The following RNF216 variants were observed in gnomAD, a reference collection of about 807,000 sequenced individuals.
RNF216 encodes the protein E3 ubiquitin-protein ligase RNF216.
Under a neutral mutation model 110.8 loss-of-function variants are expected in RNF216, and 72 were observed. The ratio of observed to expected loss-of-function variants is 0.65; its 90% CI spans 0.54 to 0.79. RNF216 has a LOEUF of 0.79. Ranked by LOEUF, RNF216 falls within the 30% of genes least tolerant of loss-of-function variation. The pLI is 0.00. For missense variants in RNF216, 1,342 were observed against 1,141.2 expected, an observed-to-expected ratio of 1.18 and a Z score of -2.54; for synonymous variants, 495 against 407.5, an observed-to-expected ratio of 1.21 and a Z score of -2.59.
intron 13 of RNF216, among the ~76,000 whole-genome samples, chr7:5,698,516 A>G (rs1791771889): frequency 6.6e-6 from 1 of 152,020 alleles, no homozygotes; most frequent in African/African-American, 2.4e-5. Flanking sequence ...CAGCCTCCCG[A>G]GTAGCTGGGA....
At chr7:5,652,621 G>C in intron 13 of RNF216, 111 bp from the exon 14 acceptor site, 1 of 727,172 alleles carries the variant, frequency 1.4e-6, no homozygotes, top group Admixed American at 2.1e-5. Flanking sequence ...AATTCTTTCA[G>C]AGGATGCCTC....
intron 13 of RNF216, among the ~76,000 whole-genome samples, chr7:5,661,243 G>T (rs986151380): frequency 2.0e-5 from 3 of 152,072 alleles, no homozygotes; most frequent in African/African-American, 7.2e-5. Flanking sequence ...CCCAGCCCCT[G>T]CAGGCTGTTT....
intron 13 of RNF216, chr7:5,662,647 G>C (rs984443109): frequency 6.6e-6 from 1 of 152,472 alleles, no homozygotes; most frequent in Non-Finnish European, 1.5e-5. Flanking sequence ...CAGTGCCGCT[G>C]AGAGCCTTCC....
At chr7:5,625,932 C>T in intron 15 of RNF216, among the ~76,000 whole-genome samples, 1 of 152,340 alleles carries the variant, frequency 6.6e-6, no homozygotes, top group South Asian at 2.1e-4. Flanking sequence ...AAGCTTCTTT[C>T]CAACTCTGAC....
chr7:5,675,580 G>A (rs1382342311), intron 13 of RNF216, among the ~76,000 whole-genome samples: 1 of 152,194 alleles, frequency 6.6e-6, no homozygotes, highest in African/African-American at 2.4e-5. Context: ...AGGTCGGGCT[G>A]CAGTGAGCTA....
At chr7:5,719,766 A>G (rs1424178790) in intron 9 of RNF216, among the ~76,000 whole-genome samples, 1 of 152,182 alleles carries the variant, frequency 6.6e-6, no homozygotes, top group Non-Finnish European at 1.5e-5. Context: ...ATGCCTGCCA[A>G]ATACCTATTT....
intron 15 of RNF216, among the ~76,000 whole-genome samples, chr7:5,640,714 C>T (rs1394539874): frequency 6.6e-6 from 1 of 152,038 alleles, no homozygotes; most frequent in Admixed American, 6.6e-5. Context: ...AACAAACTCA[C>T]TTGGTCATGC....
At chr7:5,698,244 G>C (rs1027694190) in intron 13 of RNF216, among the ~76,000 whole-genome samples, 2 of 152,150 alleles carry the variant, frequency 1.3e-5, no homozygotes, top group Non-Finnish European at 2.9e-5. Context: ...GTTGCAGCTG[G>C]ACTGCATGTA....
At chr7:5,764,856 C>G (rs1196356007) in intron 1 of RNF216, among the ~76,000 whole-genome samples, 1 of 151,934 alleles carries the variant, frequency 6.6e-6, no homozygotes, top group Non-Finnish European at 1.5e-5. Context: ...CACTGGAGGT[C>G]AGAAATTCGA....
intron 2 of RNF216, among the ~76,000 whole-genome samples, chr7:5,758,197 T>C (rs939615687): frequency 2.6e-5 from 4 of 152,200 alleles, no homozygotes; most frequent in Non-Finnish European, 4.4e-5. Context: ...ATAAAATTAA[T>C]TGGATATACA....
In RNF216 at chr7:5,687,124, G is replaced by A. The variant is rs556091503; in HGVS notation, c.2061+24637C>T. Among the ~76,000 whole-genome samples, 18 of 152,258 alleles carry A rather than the reference G, an allele frequency of 1.2e-4. No individual in the cohort carries two copies. The South Asian group carries it at 3.3e-3, about 28-fold the overall frequency. On this transcript the variant is annotated intron_variant, in intron 13 of 16. Coordinates refer to ENST00000389902, the MANE Select transcript of RNF216 (RefSeq NM_207111.4). ...TAGAAATTAAAGGAAGACCAGGTAC[G>A]GTGGCTCATGCCTGTAATCCCAGCA...
At chr7:5,766,523 T>TC (rs1796218615) in intron 1 of RNF216, among the ~76,000 whole-genome samples, 1 of 152,156 alleles carries the variant, frequency 6.6e-6, no homozygotes, top group Non-Finnish European at 1.5e-5. Flanking sequence ...GCTTGCTTTT[T>TC]CTCTCCATCA....
Position 5,622,956 on chromosome 7 carries a change from G to A in RNF216, c.2676C>T (p.Pro892=), listed in dbSNP as rs1168689374. Residue 892 remains proline, a synonymous_variant, in exon 17 of 17, where the codon CCC becomes CCT. Transcript: ENST00000389902. ...PIPAPYVPPL[P]NVRVNYDFGP... Reference sequence around the variant, plus strand: ...CGAAGTCATAGTTGACCCGCACGTTGGGCAGAGGGGGCACGTACGGGGCTG... The same window carrying A: ...CGAAGTCATAGTTGACCCGCACGTTAGGCAGAGGGGGCACGTACGGGGCTG... 1 of 1,614,092 alleles carries A rather than the reference G, an allele frequency of 6.2e-7. No homozygotes were observed. Among genetic ancestry groups the A allele is most frequent in the Non-Finnish European group, 8.5e-7 (1 of 1,180,012 alleles).
chr7:5,752,632 TAGTC>T (rs1219884525), intron 3 of RNF216, among the ~76,000 whole-genome samples: 1 of 152,186 alleles, frequency 6.6e-6, no homozygotes, highest in Non-Finnish European at 1.5e-5. Context: ...GGTGCGTTAA[TAGTC>T]AGATGGAACA....
intron 3 of RNF216, among the ~76,000 whole-genome samples, chr7:5,747,641 C>G (rs1307913358): frequency 1.3e-5 from 2 of 150,068 alleles, no homozygotes; most frequent in Non-Finnish European, 3.0e-5. Flanking sequence ...ATCCTAGCTA[C>G]TCTGGAGGCT....
At chr7:5,658,119 G>C (rs1440053447) in intron 13 of RNF216, among the ~76,000 whole-genome samples, 1 of 152,184 alleles carries the variant, frequency 6.6e-6, no homozygotes, top group Non-Finnish European at 1.5e-5. Context: ...ATTCTTTGCG[G>C]AGCTGACATC....
At chr7:5,721,436 G>A (rs990824178) in intron 8 of RNF216, among the ~76,000 whole-genome samples, 1 of 152,164 alleles carries the variant, frequency 6.6e-6, no homozygotes, top group Non-Finnish European at 1.5e-5. Context: ...AGTGTACTAT[G>A]TGAATATACC....
intron 5 of RNF216, chr7:5,732,930 G>C (rs892630426): frequency 3.3e-5 from 5 of 152,226 alleles, no homozygotes; most frequent in African/African-American, 1.2e-4. Flanking sequence ...CTGACCACGT[G>C]TGAGTGAAAG....
chr7:5,714,163 A>G (rs1174548431), intron 11 of RNF216, among the ~76,000 whole-genome samples: 2 of 152,162 alleles, frequency 1.3e-5, no homozygotes, highest in African/African-American at 4.8e-5. Flanking sequence ...GGGTTTCACC[A>G]TGTTGGCCAG....
Sources: gnomAD v4.1 joint callset for allele counts (sites outside exome capture counted in the v4.1 genomes callset) on GRCh38, gnomAD v4.1.1 for gene constraint, MANE v1.5 for transcripts, NCBI Gene and HGNC (gene_info 2026-07-23, HGNC 2026-07-21) for gene names.